SLC25A51: variants seen among roughly 807,000 people sequenced by gnomAD.
The protein encoded by SLC25A51 is solute carrier family 25 member 51.
SLC25A51 carries 11 observed loss-of-function variants against 19.1 expected under a neutral mutation model. That is an observed-to-expected ratio of 0.58 (90% CI 0.36 to 0.96). SLC25A51 has a LOEUF of 0.96. Ranked by LOEUF, SLC25A51 falls within the 40% of genes least tolerant of loss-of-function variation. The pLI is 0.01. For synonymous variants in SLC25A51, 105 were observed against 133.6 expected (o/e 0.79, Z 1.47); for missense variants, 201 against 365.4 (o/e 0.55, Z 3.67).
chr9:37,884,230 G>T (rs1372246287), downstream of SLC25A51, among the ~76,000 whole-genome samples: 1 of 152,156 alleles, frequency 6.6e-6, no homozygotes, highest in Non-Finnish European at 1.5e-5. Context: ...TAGTCAATTG[G>T]AAGTGGCACA....
intron 1 of SLC25A51, among the ~76,000 whole-genome samples, chr9:37,903,084 A>G (rs915523148): frequency 1.4e-4 from 21 of 152,194 alleles, no homozygotes; most frequent in Admixed American, 1.3e-3. Flanking sequence ...CAGATGAGTC[A>G]ACTCCTAGCT....
At chr9:37,885,342 T>TAAAA (rs60095173), downstream of SLC25A51, among the ~76,000 whole-genome samples, 7 of 99,278 alleles carry the variant, frequency 7.1e-5, no homozygotes, top group African/African-American at 2.0e-4. Context: ...TAGGTAATGA[T>TAAAA]AAAAAAAAAA....
chr9:37,885,487 G>T (rs1489253364), downstream of SLC25A51, among the ~76,000 whole-genome samples: 1 of 148,482 alleles, frequency 6.7e-6, no homozygotes, highest in South Asian at 2.1e-4. Flanking sequence ...GGCCAATTAA[G>T]AAAGAGATTC....
At chr9:37,898,412 AGGCGTGGT>A (rs1831768409) in intron 2 of SLC25A51, among the ~76,000 whole-genome samples, 2 of 152,204 alleles carry the variant, frequency 1.3e-5, no homozygotes, top group African/African-American at 4.8e-5. Flanking sequence ...AAAATTAGCC[AGGCGTGGT>A]GGCGCATGCC....
At chr9:37,893,557 T>C (rs1420303724) in intron 2 of SLC25A51, among the ~76,000 whole-genome samples, 1 of 152,200 alleles carries the variant, frequency 6.6e-6, no homozygotes, top group Non-Finnish European at 1.5e-5. Context: ...AGGAGAGCCA[T>C]ACCACCTCTA....
chr9:37,889,861 C>T (rs2025439), intron 2 of SLC25A51, among the ~76,000 whole-genome samples: 21,992 of 151,402 alleles, frequency 0.15, 1,894 homozygotes, highest in East Asian at 0.33. Flanking sequence ...CTGAAAAAAT[C>T]CAGATCCAAA....
chr9:37,898,719 A>C (rs777088491), intron 2 of SLC25A51, among the ~76,000 whole-genome samples: 3 of 152,126 alleles, frequency 2.0e-5, no homozygotes, highest in Non-Finnish European at 2.9e-5. Context: ...CTCTGTCTCA[A>C]AAATAAATAA....
chr9:37,895,873 G>A (rs1050065065), intron 2 of SLC25A51, among the ~76,000 whole-genome samples: 3 of 151,638 alleles, frequency 2.0e-5, no homozygotes, highest in Middle Eastern at 3.4e-3. Flanking sequence ...GAGCGCAGAG[G>A]CATGATCTCG....
chr9:37,887,651 G>T lies in SLC25A51; in HGVS notation c.*6C>A, dbSNP rs762509977. The T allele has an allele frequency of 2.5e-6, 4 of 1,603,320 alleles. No homozygotes were observed. The highest frequency in any genetic ancestry group is 3.4e-6 in the Non-Finnish European group (4 of 1,175,350). On this transcript the variant is annotated 3_prime_UTR_variant, in exon 3 of 3. Coordinates refer to ENST00000242275, the MANE Select transcript of SLC25A51 (RefSeq NM_033412.4). ...GTTGATAAATGGCACTTAACTGATG[G>T]TTTTTTCATATAACCTTTAACAAGA...
intron 2 of SLC25A51, among the ~76,000 whole-genome samples, chr9:37,890,889 T>C (rs1460127575): frequency 4.6e-5 from 7 of 152,152 alleles, no homozygotes; most frequent in Non-Finnish European, 1.0e-4. Context: ...AAAAACCGTC[T>C]AGGTCTTTCA....
downstream of SLC25A51, chr9:37,886,160 A>C (rs1831451982): frequency 6.9e-7 from 1 of 1,453,098 alleles, no homozygotes; most frequent in African/African-American, 1.4e-5. Flanking sequence ...CCCTACCCTG[A>C]TCCTGTTCCA....
At chr9:37,902,393 G>C (rs1046814392) in intron 1 of SLC25A51, among the ~76,000 whole-genome samples, 4 of 152,166 alleles carry the variant, frequency 2.6e-5, no homozygotes, top group Admixed American at 2.6e-4. Context: ...GAGATTCTCA[G>C]ATTTAAAAAA....
Position 37,887,859 on chromosome 9 carries a change from G to A in SLC25A51, c.692C>T (p.Pro231Leu). ...LGAMLGFLFFPINVVKTRIQS... is the reference protein window; with the variant it reads ...LGAMLGFLFFLINVVKTRIQS... ...TATGCGAGTTTTTACAACATTAATT[G>A]GAAAAAACAAGAATCCCAACATGGC... The change falls in exon 3 of 3, where the codon CCA (proline) becomes CTA (leucine). Residue 231 changes from proline (P) to leucine (L), a missense_variant. By Grantham distance (98) the Pro-to-Leu change is moderately conservative. Transcript: ENST00000242275. 3.1e-6 allele frequency: 5 copies of A among 1,612,142 alleles called. No homozygotes were observed. Among genetic ancestry groups the A allele is most frequent in the Non-Finnish European group, 4.2e-6 (5 of 1,179,850 alleles).
downstream of SLC25A51, among the ~76,000 whole-genome samples, chr9:37,884,085 G>T (rs1831399926): frequency 6.6e-6 from 1 of 152,128 alleles, no homozygotes; most frequent in Admixed American, 6.5e-5. Flanking sequence ...CAATTATCCA[G>T]AAAGAAGAAA....
downstream of SLC25A51, chr9:37,885,689 A>G (rs1436669458): frequency 3.7e-6 from 5 of 1,343,714 alleles, no homozygotes; most frequent in Non-Finnish European, 5.3e-6. Flanking sequence ...CGGAGAGAGA[A>G]GCGGAGATCC....
At chr9:37,897,560 AAT>A (rs1258249678) in intron 2 of SLC25A51, among the ~76,000 whole-genome samples, 1 of 151,986 alleles carries the variant, frequency 6.6e-6, no homozygotes, top group Non-Finnish European at 1.5e-5. Context: ...TCTCTTTTAT[AAT>A]ATGTGTAATT....
intron 1 of SLC25A51, among the ~76,000 whole-genome samples, chr9:37,902,617 T>C (rs931251129): frequency 3.9e-5 from 6 of 152,278 alleles, no homozygotes; most frequent in African/African-American, 1.4e-4. Flanking sequence ...TTTGCTAAAC[T>C]GATCTTTATA....
At position 37,895,540 on chromosome 9, in the gene SLC25A51, A is replaced by G. The variant is rs373970367; in HGVS notation, c.-43+4289T>C. Among the ~76,000 whole-genome samples the G allele has an allele frequency of 8.5e-5, 13 of 152,066 alleles. No homozygotes were observed. In the South Asian group the frequency reaches 2.7e-3, roughly 32 times the overall value. ...ATATGATTCCCCATCTTTCATTTCTATTGACCACTTCTTTACTATACATTT... is the reference window on the plus strand; with the variant it reads ...ATATGATTCCCCATCTTTCATTTCTGTTGACCACTTCTTTACTATACATTT... On this transcript the variant is annotated intron_variant, in intron 2 of 2. Transcript: ENST00000242275.
At chr9:37,887,522 T>C (rs10973597), downstream of SLC25A51, 1 of 1,041,414 alleles carries the variant, frequency 9.6e-7, no homozygotes, top group East Asian at 2.6e-5. Flanking sequence ...CCCTCTGACC[T>C]ACTCCCCACA....
Sources: allele counts gnomAD v4.1 joint callset (sites outside exome capture counted in the v4.1 genomes callset), GRCh38; gene constraint gnomAD v4.1.1; transcripts MANE v1.5; gene names NCBI Gene and HGNC (gene_info 2026-07-23, HGNC 2026-07-21).